The following DLGAP2 variants were observed in gnomAD, a reference collection of about 807,000 sequenced individuals.
DLGAP2 encodes the protein disks large-associated protein 2.
DLGAP2 carries 26 observed loss-of-function variants against 100.3 expected under a neutral mutation model. The ratio of observed to expected loss-of-function variants is 0.26; its 90% CI spans 0.19 to 0.36. The LOEUF (loss-of-function observed/expected upper bound fraction) is 0.36, where lower values mean the gene tolerates loss of function less well. Among genes scored for constraint, DLGAP2 ranks in the 10% least tolerant of loss-of-function variants. The pLI is 1.00. For synonymous variants in DLGAP2, 886 were observed against 630.1 expected, an observed-to-expected ratio of 1.41 and a Z score of -6.08; for missense variants, 1,858 against 1,453.2, an observed-to-expected ratio of 1.28 and a Z score of -4.53.
At chr8:787,165 A>G (rs1306668613) in intron 1 of DLGAP2, among the ~76,000 whole-genome samples, 4 of 152,162 alleles carry the variant, frequency 2.6e-5, no homozygotes, top group Non-Finnish European at 1.5e-5. Context: ...ATCCAACTTG[A>G]TGAATCTTCA....
chr8:1,203,653 T>C (rs1464760955), intron 2 of DLGAP2, among the ~76,000 whole-genome samples: 1 of 152,252 alleles, frequency 6.6e-6, no homozygotes, highest in Non-Finnish European at 1.5e-5. Flanking sequence ...TATCAAGGAA[T>C]GGATGACGGT....
Position 772,480 on chromosome 8 carries a change from G to T in DLGAP2, c.18+34655G>T, listed in dbSNP as rs911927045. 3.3e-5 allele frequency among the ~76,000 whole-genome samples: 5 copies of T among 152,076 alleles called. No individual in the cohort carries two copies. The South Asian group carries it at 8.3e-4, about 25-fold the overall frequency. On this transcript the variant is annotated intron_variant, in intron 1 of 14. Transcript: ENST00000637795. Reference sequence around the variant, plus strand: ...TGGGACTACAGGCACACACCACCGTGTCTGGCTAATTTTTGTATTTTTAGT... The same window carrying T: ...TGGGACTACAGGCACACACCACCGTTTCTGGCTAATTTTTGTATTTTTAGT...
chr8:997,562 G>A (rs1338478241), intron 2 of DLGAP2, among the ~76,000 whole-genome samples: 1 of 152,040 alleles, frequency 6.6e-6, no homozygotes, highest in East Asian at 1.9e-4. Context: ...ATACTCTGTG[G>A]TATTTTAAAA....
chr8:1,281,246 G>A (rs1799807535), intron 3 of DLGAP2, among the ~76,000 whole-genome samples: 1 of 152,232 alleles, frequency 6.6e-6, no homozygotes, highest in African/African-American at 2.4e-5. Flanking sequence ...TACCTTCAAA[G>A]TCGTAGATGT....
At chr8:917,860 TGA>T (rs1202268184) in intron 2 of DLGAP2, among the ~76,000 whole-genome samples, 1 of 152,294 alleles carries the variant, frequency 6.6e-6, no homozygotes, top group East Asian at 1.9e-4. Flanking sequence ...ATTACAGGCG[TGA>T]GCTACTGCGC....
chr8:884,892 C>G (rs569038827), intron 1 of DLGAP2, among the ~76,000 whole-genome samples: 26 of 152,242 alleles, frequency 1.7e-4, no homozygotes, highest in African/African-American at 5.5e-4. Flanking sequence ...ATAGGAGATC[C>G]TTTCTCCATT....
chr8:1,461,691 G>A (rs1224183309), intron 3 of DLGAP2, among the ~76,000 whole-genome samples: 2 of 54,304 alleles, frequency 3.7e-5, no homozygotes, highest in African/African-American at 1.7e-4. Context: ...AGGACTGGGT[G>A]CAGTCGCTGA....
intron 3 of DLGAP2, among the ~76,000 whole-genome samples, chr8:1,317,296 G>C (rs556393930): frequency 2.4e-5 from 3 of 127,308 alleles, no homozygotes; most frequent in Admixed American, 8.1e-5. Context: ...CGAGAAACTC[G>C]GCAGCTTTTA....
intron 3 of DLGAP2, among the ~76,000 whole-genome samples, chr8:1,376,088 T>G (rs1211888178): frequency 7.7e-6 from 1 of 130,580 alleles, no homozygotes; most frequent in African/African-American, 2.8e-5. Flanking sequence ...CCTCCTACAT[T>G]TGGGTTAACG....
chr8:1,037,084 C>T (rs1215417760), intron 2 of DLGAP2, among the ~76,000 whole-genome samples: 1 of 152,096 alleles, frequency 6.6e-6, no homozygotes, highest in Non-Finnish European at 1.5e-5. Context: ...TGCTGTGTCC[C>T]TGGAGAGTGG....
chr8:1,225,025 A>G (rs1362846330), intron 2 of DLGAP2, among the ~76,000 whole-genome samples: 1 of 152,234 alleles, frequency 6.6e-6, no homozygotes, highest in Non-Finnish European at 1.5e-5. Flanking sequence ...ATTGTGGAAA[A>G]GAGTTTAAGT....
intron 3 of DLGAP2, among the ~76,000 whole-genome samples, chr8:1,351,896 CGGGTCCTGACTGTGGAA>C (rs1801737519): frequency 1.2e-5 from 1 of 84,438 alleles, no homozygotes; most frequent in East Asian, 5.0e-4. Flanking sequence ...AAAGGCCGTG[CGGGTCCTGACTGTGGAA>C]AGGCCGTGCG....
chr8:1,410,365 C>T (rs1213122823), intron 3 of DLGAP2, among the ~76,000 whole-genome samples: 1 of 152,176 alleles, frequency 6.6e-6, no homozygotes, highest in Non-Finnish European at 1.5e-5. Context: ...TGAGGAGCTC[C>T]CAGCAGAGCA....
chr8:1,453,157 C>T (rs539311892), intron 3 of DLGAP2, among the ~76,000 whole-genome samples: 53 of 151,932 alleles, frequency 3.5e-4, no homozygotes, highest in Non-Finnish European at 4.7e-4. Context: ...TATTGGAGCG[C>T]GCTGGGCAGA....
At chr8:1,536,104 C>G (rs1041022230) in intron 4 of DLGAP2, among the ~76,000 whole-genome samples, 2 of 152,276 alleles carry the variant, frequency 1.3e-5, no homozygotes, top group South Asian at 4.1e-4. Context: ...TGTAGCAGGA[C>G]AAGCACCTAG....
chr8:1,553,445 T>G lies in DLGAP2; in HGVS notation c.1230+3762T>G, dbSNP rs76861974. Among the ~76,000 whole-genome samples, 106 of 5,398 alleles carry G rather than the reference T, an allele frequency of 0.02. No homozygotes were observed. In the East Asian group the frequency reaches 0.25, roughly 13 times the overall value. 3.5% of individuals were successfully genotyped at this position (5,398 alleles called of 152,430 possible). On this transcript the variant is annotated intron_variant, in intron 5 of 14. Transcript: ENST00000637795. ...CGTGTTCACGGGCAGCAGCCCTGTTTTATTCGGCGTGTTCACGGTCAGCAG... is the reference window on the plus strand; with the variant it reads ...CGTGTTCACGGGCAGCAGCCCTGTTGTATTCGGCGTGTTCACGGTCAGCAG...
chr8:965,260 G>A (rs1799826274), intron 2 of DLGAP2, among the ~76,000 whole-genome samples: 2 of 142,738 alleles, frequency 1.4e-5, no homozygotes, highest in Admixed American at 6.9e-5. Flanking sequence ...CGGCTCCTGA[G>A]CCCAACCCCC....
intron 3 of DLGAP2, among the ~76,000 whole-genome samples, chr8:1,430,790 C>G (rs1356358684): frequency 6.6e-6 from 1 of 152,154 alleles, no homozygotes; most frequent in Non-Finnish European, 1.5e-5. Flanking sequence ...TTGAAACATC[C>G]TTTGTTAGTC....
At chr8:778,174 T>C (rs7465508) in intron 1 of DLGAP2, among the ~76,000 whole-genome samples, 24 of 152,200 alleles carry the variant, frequency 1.6e-4, no homozygotes, top group South Asian at 4.1e-4. Flanking sequence ...ACGTAGTTCT[T>C]GAGCCTTGGT....
Sources: gnomAD v4.1 joint callset for allele counts (sites outside exome capture counted in the v4.1 genomes callset) on GRCh38, gnomAD v4.1.1 for gene constraint, MANE v1.5 for transcripts, NCBI Gene and HGNC (gene_info 2026-07-23, HGNC 2026-07-21) for gene names.